Variants in WWOX observed in about 807,000 individuals in gnomAD.
The protein encoded by WWOX is WW domain containing oxidoreductase.
Under a neutral mutation model 46.2 loss-of-function variants are expected in WWOX, and 69 were observed. The ratio of observed to expected loss-of-function variants is 1.49; its 90% confidence interval spans 1.23 to 1.82. WWOX has a LOEUF of 1.82. WWOX is among the 40% of genes most tolerant of loss of function. The pLI is 0.00. For missense variants in WWOX, 919 were observed against 542.6 expected (o/e 1.69, Z -6.89); for synonymous variants, 359 against 202.6 (o/e 1.77, Z -6.56).
At chr16:78,255,622 TCA>T (rs2038107688) in intron 5 of WWOX, among the ~76,000 whole-genome samples, 1 of 152,026 alleles carries the variant, frequency 6.6e-6, no homozygotes, top group Non-Finnish European at 1.5e-5. Context: ...TCTTCTTCCT[TCA>T]CACACACACC....
At chr16:78,952,808 T>C (rs1176020267) in intron 8 of WWOX, among the ~76,000 whole-genome samples, 2 of 152,136 alleles carry the variant, frequency 1.3e-5, no homozygotes, top group African/African-American at 4.8e-5. Context: ...TGTTAACAAG[T>C]GTTTATTGAA....
chr16:78,724,516 C>T (rs745444240), intron 8 of WWOX, among the ~76,000 whole-genome samples: 2 of 152,054 alleles, frequency 1.3e-5, no homozygotes, highest in Non-Finnish European at 2.9e-5. Context: ...TATTATAGTT[C>T]TTTATCGACA....
At chr16:78,875,105 A>C (rs903875050) in intron 8 of WWOX, among the ~76,000 whole-genome samples, 1 of 152,136 alleles carries the variant, frequency 6.6e-6, no homozygotes, top group African/African-American at 2.4e-5. Flanking sequence ...GACTCGGTGG[A>C]TTCTGAAGAG....
At position 78,745,899 on chromosome 16, in the gene WWOX, C is replaced by T. The variant is rs77760112; in HGVS notation, c.1056+313147C>T. On this transcript the variant is annotated intron_variant, in intron 8 of 8. Transcript: ENST00000566780. The stretch of plus-strand genomic sequence containing the variant: ...TGTATTTTAATACTAGGAACGTGTG[C>T]ATGCCAGAAACCTGCCAAGGAAAAC... Among the ~76,000 whole-genome samples, 801 of 152,118 alleles carry T rather than the reference C, an allele frequency of 5.3e-3. 4 individuals carry two copies. The highest frequency in any genetic ancestry group is 0.018 in the African/African-American group (731 of 41,500).
intron 8 of WWOX, among the ~76,000 whole-genome samples, chr16:79,150,176 A>C (rs1296154645): frequency 1.3e-5 from 2 of 151,916 alleles, no homozygotes; most frequent in Non-Finnish European, 2.9e-5. Context: ...AAAAATGAAA[A>C]CTCTTCTTGT....
chr16:78,105,751 C>T (rs73562762), intron 1 of WWOX, among the ~76,000 whole-genome samples: 12,458 of 152,152 alleles, frequency 0.082, 1,076 homozygotes, highest in African/African-American at 0.22. Context: ...TCTATGCCAG[C>T]CTGCCTGCCA....
intron 8 of WWOX, among the ~76,000 whole-genome samples, chr16:78,605,403 C>T (rs371543451): frequency 2.0e-5 from 3 of 151,614 alleles, no homozygotes; most frequent in African/African-American, 7.3e-5. Flanking sequence ...AGACAGGGCT[C>T]ATGTCAAGGG....
intron 8 of WWOX, among the ~76,000 whole-genome samples, chr16:79,140,463 C>G (rs1223259994): frequency 6.6e-6 from 1 of 152,208 alleles, no homozygotes; most frequent in Non-Finnish European, 1.5e-5. Context: ...AGCACTGACA[C>G]CTGAGAAGTC....
intron 6 of WWOX, among the ~76,000 whole-genome samples, chr16:78,404,663 A>T (rs962299454): frequency 6.6e-6 from 1 of 152,178 alleles, no homozygotes; most frequent in Admixed American, 6.5e-5. Context: ...GCCAAGAGAC[A>T]CTTGGGTTAA....
At chr16:79,181,523 C>T (rs1380556920) in intron 8 of WWOX, among the ~76,000 whole-genome samples, 1 of 151,640 alleles carries the variant, frequency 6.6e-6, no homozygotes, top group Non-Finnish European at 1.5e-5. Context: ...CTATGCAGAA[C>T]GATTTCCTCG....
At chr16:78,734,214 G>C (rs1324902948) in intron 8 of WWOX, among the ~76,000 whole-genome samples, 2 of 152,094 alleles carry the variant, frequency 1.3e-5, no homozygotes, top group Non-Finnish European at 2.9e-5. Flanking sequence ...AGGTGTTAAA[G>C]ACACACATCA....
chr16:78,953,358 G>A (rs952883623), intron 8 of WWOX, among the ~76,000 whole-genome samples: 3 of 152,150 alleles, frequency 2.0e-5, no homozygotes, highest in Non-Finnish European at 4.4e-5. Flanking sequence ...TAAGGGCTTT[G>A]CACACTAATT....
chr16:78,821,539 G>A (rs1300710540), intron 8 of WWOX, among the ~76,000 whole-genome samples: 3 of 152,206 alleles, frequency 2.0e-5, no homozygotes, highest in Non-Finnish European at 4.4e-5. Flanking sequence ...TTCCTAGGAA[G>A]TTCACCCATT....
chr16:78,974,099 G>T (rs988960770), intron 8 of WWOX, among the ~76,000 whole-genome samples: 7 of 152,138 alleles, frequency 4.6e-5, no homozygotes, highest in African/African-American at 1.7e-4. Flanking sequence ...AAGTGTAAAG[G>T]ACTCTCCTCA....
At chr16:78,733,379 C>T (rs1343376816) in intron 8 of WWOX, among the ~76,000 whole-genome samples, 2 of 152,020 alleles carry the variant, frequency 1.3e-5, no homozygotes, top group Non-Finnish European at 2.9e-5. Context: ...TGCTGGAGCC[C>T]AGGAGGTTGA....
At chr16:78,998,928 A>G (rs1443620337) in intron 8 of WWOX, among the ~76,000 whole-genome samples, 2 of 152,240 alleles carry the variant, frequency 1.3e-5, no homozygotes, top group Admixed American at 6.5e-5. Flanking sequence ...TAAATGTCCC[A>G]AATGCCAGCA....
At chr16:79,070,085 A>C (rs1397394721) in intron 8 of WWOX, among the ~76,000 whole-genome samples, 1 of 152,246 alleles carries the variant, frequency 6.6e-6, no homozygotes, top group Non-Finnish European at 1.5e-5. Context: ...GTTCCTCCTC[A>C]AGACTTATCA....
At chr16:79,062,862 C>T (rs953546096) in intron 8 of WWOX, among the ~76,000 whole-genome samples, 5 of 152,142 alleles carry the variant, frequency 3.3e-5, no homozygotes, top group African/African-American at 1.2e-4. Flanking sequence ...ATTGAAGGAA[C>T]ATCTGTTTTA....
intron 8 of WWOX, among the ~76,000 whole-genome samples, chr16:78,490,887 T>C (rs1164023570): frequency 2.0e-5 from 3 of 152,108 alleles, no homozygotes; most frequent in African/African-American, 7.2e-5. Context: ...CAGGACTCAT[T>C]AGCAGGAGCT....
Sources: allele counts gnomAD v4.1 joint callset (sites outside exome capture counted in the v4.1 genomes callset), GRCh38; gene constraint gnomAD v4.1.1; transcripts MANE v1.5; gene names NCBI Gene and HGNC (gene_info 2026-07-23, HGNC 2026-07-21).